SH3BP5L: variants seen among roughly 807,000 people sequenced by gnomAD.
SH3BP5L encodes SH3 binding domain protein 5 like.
In SH3BP5L, 16 loss-of-function variants were observed where a neutral mutation model predicts 40.9. The observed-to-expected ratio is 0.39, with a 90% CI of 0.27 to 0.59. The LOEUF (loss-of-function observed/expected upper bound fraction) is 0.59. Ranked by LOEUF, SH3BP5L falls within the 20% of genes least tolerant of loss-of-function variation. SH3BP5L has a pLI of 0.53. For missense variants in SH3BP5L, 471 were observed against 544.6 expected (o/e 0.86, Z 1.35); for synonymous variants, 229 against 226.7 (o/e 1.01, Z -0.09).
At position 248,812,210 on chromosome 1, in the gene SH3BP5L, G is replaced by C; in HGVS notation, c.872C>G (p.Pro291Arg). Residue 291 changes from proline (P) to arginine (R), a missense_variant, in exon 7 of 7, where the codon CCC becomes CGC. Around this residue, in one of 2 missense-constraint regions of SH3BP5L, gnomAD observed 196 missense variants for 174.6 expected, o/e 1.12. Transcript: ENST00000366472. The surrounding 1 kb of genome is among the most constrained non-coding windows in gnomAD (Gnocchi z 6.1). ...CTCGGGTCCTGCCTCGGCCCCCACG[G>C]GGGAGGAGCGCCGAGGGCCCAGGGG... ...PHPLGPRRSS[P>R]VGAEAGPEDM... is the part of the protein sequence containing the mutation. 1 of 1,604,486 alleles carries C rather than the reference G, an allele frequency of 6.2e-7. No individual in the cohort carries two copies. Among genetic ancestry groups the C allele is most frequent in the Non-Finnish European group, 8.5e-7 (1 of 1,176,656 alleles).
intron 5 of SH3BP5L, 30 bp from the exon 6 acceptor site, chr1:248,813,192 G>T: frequency 6.7e-7 from 1 of 1,492,958 alleles, no homozygotes. Flanking sequence ...ACTGAGCCAG[G>T]ACCCATGCTT....
At position 248,816,547 on chromosome 1, in the gene SH3BP5L, C is replaced by T. The variant is rs1664110701; in HGVS notation, c.362G>A (p.Arg121Gln). The change falls in exon 4 of 7, where the codon CGG becomes CAG. Residue 121 changes from arginine (R) to glutamine (Q), a missense_variant. Coordinates refer to ENST00000366472, the MANE Select transcript of SH3BP5L (RefSeq NM_030645.3). ...AGCCAGCCATACCTCCTTAGCCAGCCGCCGAGCCTCATAGTAGGGCCGGGC... is the reference window on the plus strand; with the variant it reads ...AGCCAGCCATACCTCCTTAGCCAGCTGCCGAGCCTCATAGTAGGGCCGGGC... ...EKARPYYEAR[R>Q]LAKEAQQETQ... The T allele has an allele frequency of 5.0e-6, 8 of 1,613,968 alleles. No individual in the cohort carries two copies. Among genetic ancestry groups the T allele is most frequent in the African/African-American group, 1.3e-5 (1 of 74,910 alleles).
intron 2 of SH3BP5L, among the ~76,000 whole-genome samples, chr1:248,824,235 TCTCA>T (rs1664316685): frequency 6.6e-6 from 1 of 152,178 alleles, no homozygotes; most frequent in Non-Finnish European, 1.5e-5. Context: ...ACTGGAAAGG[TCTCA>T]CTGTTTACAA....
At position 248,814,361 on chromosome 1, in the gene SH3BP5L, G is replaced by A. The variant is rs973163100; in HGVS notation, c.537+88C>T. ...AAAGTTGAAAGAAGGCTAGAATAGAGGGAAGAATGAGGAGGTGAGGTGATA... is the reference window on the plus strand; with the variant it reads ...AAAGTTGAAAGAAGGCTAGAATAGAAGGAAGAATGAGGAGGTGAGGTGATA... On this transcript the variant is annotated intron_variant, in intron 5 of 6. Coordinates refer to ENST00000366472, the MANE Select transcript of SH3BP5L (RefSeq NM_030645.3). 8 of 1,405,218 alleles carry A rather than the reference G, an allele frequency of 5.7e-6. No individual in the cohort carries two copies. In the African/African-American group the frequency reaches 1.1e-4, roughly 20 times the overall value. 87.0% of individuals were successfully genotyped at this position (1,405,218 alleles called of 1,614,324 possible).
intron 4 of SH3BP5L, 170 bp downstream of exon 4, chr1:248,816,364 C>T (rs933910174): frequency 4.1e-5 from 28 of 677,852 alleles, no homozygotes; most frequent in Admixed American, 3.8e-4. Flanking sequence ...CCAGAGCCCA[C>T]GTGGTAAAGG....
At chr1:248,817,103 T>C (rs1482785229) in intron 2 of SH3BP5L, 5 of 1,471,298 alleles carry the variant, frequency 3.4e-6, no homozygotes, top group East Asian at 2.6e-5. Context: ...AACTCTACCT[T>C]GTATTGGGTA....
chr1:248,816,227 T>C (rs947153509), intron 4 of SH3BP5L: 3 of 284,906 alleles, frequency 1.1e-5, no homozygotes, highest in African/African-American at 6.4e-5. Flanking sequence ...AACAACAGGA[T>C]GTTAGAACTG....
At chr1:248,817,166 T>C in intron 2 of SH3BP5L, 6 of 772,748 alleles carry the variant, frequency 7.8e-6, no homozygotes, top group Non-Finnish European at 1.2e-5. Context: ...AATGCAACAC[T>C]AATATGCACA....
At chr1:248,824,532 G>A (rs528091988) in intron 2 of SH3BP5L, among the ~76,000 whole-genome samples, 4 of 152,336 alleles carry the variant, frequency 2.6e-5, no homozygotes, top group African/African-American at 4.8e-5. Flanking sequence ...TGCCTCCCAA[G>A]CACTAAGGCC....
At chr1:248,813,225 G>C (rs554198832) in intron 5 of SH3BP5L, 63 bp from the exon 6 acceptor site, 1 of 1,431,440 alleles carries the variant, frequency 7.0e-7, no homozygotes, top group South Asian at 1.4e-5. Flanking sequence ...TCTGCCCCAG[G>C]CTGCCAATCT....
rs775051103 is a variant in SH3BP5L, at chr1:248,814,516, C to A, written c.470G>T (p.Gly157Val). Residue 157 changes from glycine (G) to valine (V), a missense_variant, in exon 5 of 7, where the codon GGC (glycine) becomes GTC (valine). By Grantham distance (109) the Gly-to-Val change is moderately radical (BLOSUM62 -3). Coordinates refer to ENST00000366472, the MANE Select transcript of SH3BP5L (RefSeq NM_030645.3). ...AREMVFVAEQ[G>V]VMADKNRLDP... Reference sequence around the variant, plus strand: ...CAGTCGGTTCTTGTCAGCCATGACGCCCTGCTCAGCCACAAACACCATTTC... The same window carrying A: ...CAGTCGGTTCTTGTCAGCCATGACGACCTGCTCAGCCACAAACACCATTTC... 1.9e-6 allele frequency: 3 copies of A among 1,614,208 alleles called. No homozygotes were observed. In the Admixed American group the frequency reaches 5.0e-5, roughly 27 times the overall value.
chr1:248,825,474 C>G, intron 1 of SH3BP5L, 108 bp from the exon 2 acceptor site: 1 of 762,586 alleles, frequency 1.3e-6, no homozygotes, highest in Non-Finnish European at 1.6e-6. Flanking sequence ...CACCACGCCC[C>G]CACCCATGTA....
chr1:248,811,955 C>A lies in SH3BP5L; in HGVS notation c.1127G>T (p.Arg376Leu). The part of the protein sequence containing the change: ...QELGTRSGGR[R>L]GSDGGARGGR... ...CCCACGGGCTCCGCCGTCGCTGCCC[C>A]GGCGCCCTCCACTCCGCGTTCCCAG... is the stretch of plus-strand genomic sequence containing the variant. Residue 376 changes from arginine to leucine, a missense_variant, in exon 7 of 7, where the codon CGG (arginine) becomes CTG (leucine). By Grantham distance (102) the Arg-to-Leu change is moderately radical. Transcript: ENST00000366472. The A allele has an allele frequency of 1.3e-6, 2 of 1,572,328 alleles. No individual in the cohort carries two copies. The highest frequency in any genetic ancestry group is 8.6e-7 in the Non-Finnish European group (1 of 1,159,502).
At chr1:248,822,209 C>T (rs953108248) in intron 2 of SH3BP5L, among the ~76,000 whole-genome samples, 5 of 152,216 alleles carry the variant, frequency 3.3e-5, no homozygotes, top group African/African-American at 1.2e-4. Context: ...GTCTAGTGAA[C>T]TGTCAACACT....
Position 248,811,647 on chromosome 1 carries a change from G to T in SH3BP5L, c.*253C>A. On this transcript the variant is annotated 3_prime_UTR_variant, in exon 7 of 7. Coordinates refer to ENST00000366472, the MANE Select transcript of SH3BP5L (RefSeq NM_030645.3). ...GCAGATCGTGATGAGCTGGCAGGCAGAGGCAGACAGAGCGCCGAGGGCGAG... is the reference window on the plus strand; with the variant it reads ...GCAGATCGTGATGAGCTGGCAGGCATAGGCAGACAGAGCGCCGAGGGCGAG... 2 of 496,936 alleles carry T rather than the reference G, an allele frequency of 4.0e-6. No homozygotes were observed. The highest frequency in any genetic ancestry group is 7.1e-6 in the Non-Finnish European group (2 of 281,788). The allele number at this position is 496,936 out of a possible 1,614,324, so 30.8% of individuals were successfully genotyped here.
rs1195137164 is a variant in SH3BP5L at position 248,812,109 on chromosome 1, C to T, written c.973G>A (p.Gly325Ser). Residue 325 changes from glycine to serine, a missense_variant, in exon 7 of 7, where the codon GGC becomes AGC. Gly to Ser is a moderately conservative substitution (Grantham distance 56). Around this residue, in one of 2 missense-constraint regions of SH3BP5L, gnomAD observed 196 missense variants for 174.6 expected, o/e 1.12. Transcript: ENST00000366472. This position sits in a 1 kb window ranked among gnomAD's most constrained non-coding sequence, Gnocchi z 6.1. Reference sequence around the variant, plus strand: ...AGGGTATCGGTGTCGGGGGCGGGGCCGGGCCCCAGGCTGCTGCCCTCCTCC... The same window carrying T: ...AGGGTATCGGTGTCGGGGGCGGGGCTGGGCCCCAGGCTGCTGCCCTCCTCC... The part of the protein sequence containing the change: ...GLEEGSSLGP[G>S]PAPDTDTLSL... 1.2e-6 allele frequency: 2 copies of T among 1,610,430 alleles called. No homozygotes were observed. Among genetic ancestry groups the T allele is most frequent in the Non-Finnish European group, 1.7e-6 (2 of 1,178,302 alleles).
At chr1:248,818,174 CCT>C (rs1491548680) in intron 2 of SH3BP5L, among the ~76,000 whole-genome samples, 2 of 151,984 alleles carry the variant, frequency 1.3e-5, no homozygotes, top group African/African-American at 4.8e-5. Flanking sequence ...ATGGTGAAGC[CCT>C]GTCTCTAGCA....
Position 248,812,488 on chromosome 1 carries a change from T to G in SH3BP5L, c.712-118A>C. The G allele has an allele frequency of 1.3e-6, 1 of 763,310 alleles. No individual in the cohort carries two copies. Among genetic ancestry groups the G allele is most frequent in the Non-Finnish European group, 2.2e-6 (1 of 463,762 alleles). The allele number at this position is 763,310 out of a possible 1,614,324, so 47.3% of individuals were successfully genotyped here. On this transcript the variant is annotated intron_variant, in intron 6 of 6. Coordinates refer to ENST00000366472, the MANE Select transcript of SH3BP5L (RefSeq NM_030645.3). This position sits in a 1 kb window ranked among gnomAD's most constrained non-coding sequence, Gnocchi z 6.1. Reference sequence around the variant, plus strand: ...GAATACCTGGACAGCTGGCTCAGCATCCACCACAGACCCACAACAGCCTTC... The same window carrying G: ...GAATACCTGGACAGCTGGCTCAGCAGCCACCACAGACCCACAACAGCCTTC...
Position 248,822,632 on chromosome 1 carries a change from T to G in SH3BP5L, c.183+2121A>C, listed in dbSNP as rs1160157866. 4.6e-5 allele frequency among the ~76,000 whole-genome samples: 7 copies of G among 152,252 alleles called. No homozygotes were observed. In the East Asian group the frequency reaches 1.4e-3, roughly 29 times the overall value. ...AGTCAGTGATGACAGAATATTCTAT[T>G]TATGCACTGTCAGTATAACATTGAG... On this transcript the variant is annotated intron_variant, in intron 2 of 6. Transcript: ENST00000366472.
Sources: gnomAD v4.1 joint callset for allele counts (sites outside exome capture counted in the v4.1 genomes callset) on GRCh38, gnomAD v4.1.1 for gene constraint, gnomAD v4.1.1 regional missense constraint, Gnocchi (gnomAD v3.1) non-coding constraint, MANE v1.5 for transcripts, NCBI Gene and HGNC (gene_info 2026-07-23, HGNC 2026-07-21) for gene names.